The following SLC9C1 variants were observed in gnomAD, a reference collection of about 807,000 sequenced individuals.
The protein encoded by SLC9C1 is solute carrier family 9 member C1.
Under a neutral mutation model 140.9 loss-of-function variants are expected in SLC9C1, and 97 were observed. The observed-to-expected ratio is 0.69, with a 90% CI of 0.58 to 0.82. SLC9C1 has a LOEUF of 0.82. Among genes scored for constraint, SLC9C1 ranks in the 40% least tolerant of loss-of-function variants. The probability of loss-of-function intolerance (pLI) is 0.00; values close to 1 mark genes in which losing one functional copy is unlikely to be tolerated. For missense variants in SLC9C1, 1,340 were observed against 1,389.3 expected (o/e 0.96, Z 0.56); for synonymous variants, 440 against 442.6 (o/e 0.99, Z 0.07).
At chr3:112,166,655 A>G (rs1429327653) in intron 26 of SLC9C1, among the ~76,000 whole-genome samples, 2 of 152,212 alleles carry the variant, frequency 1.3e-5, no homozygotes, top group South Asian at 4.1e-4. Flanking sequence ...CCTTTAATGA[A>G]TTGATCAATT....
At position 112,247,960 on chromosome 3, in the gene SLC9C1, G is replaced by A. The variant is rs1021346412; in HGVS notation, c.1198-3884C>T. Among the ~76,000 whole-genome samples the A allele has an allele frequency of 2.6e-5, 4 of 151,736 alleles. No homozygotes were observed. In the South Asian group the frequency reaches 6.2e-4, roughly 24 times the overall value. On this transcript the variant is annotated intron_variant, in intron 10 of 28. Transcript: ENST00000305815. ...TAGTCATCTTAAATATGGACTAGAC[G>A]TATTGACTCACTTCTAATAAATAGA... is the stretch of plus-strand genomic sequence containing the variant.
At chr3:112,273,598 C>T (rs2080135696) in intron 6 of SLC9C1, among the ~76,000 whole-genome samples, 1 of 152,020 alleles carries the variant, frequency 6.6e-6, no homozygotes, top group African/African-American at 2.4e-5. Context: ...GATGATTCTT[C>T]TTGGGAAAGA....
In SLC9C1 at chr3:112,217,346, A is replaced by G. The variant is rs1560080746; in HGVS notation, c.1790+96T>C. The G allele has an allele frequency of 9.2e-6, 13 of 1,419,290 alleles. 1 individual carries two copies. In the Middle Eastern group the frequency reaches 1.4e-3, roughly 154 times the overall value. The allele number at this position is 1,419,290 out of a possible 1,614,324, so 87.9% of individuals were successfully genotyped here. On this transcript the variant is annotated intron_variant, in intron 15 of 28. Transcript: ENST00000305815. ...GCACATGTACCCTAGCACTTATAGTATAATAACAAAAAATTCAAGATACCA... is the reference window on the plus strand; with the variant it reads ...GCACATGTACCCTAGCACTTATAGTGTAATAACAAAAAATTCAAGATACCA...
At chr3:112,146,954 A>G (rs754101371) in intron 28 of SLC9C1, among the ~76,000 whole-genome samples, 11 of 152,186 alleles carry the variant, frequency 7.2e-5, no homozygotes, top group African/African-American at 2.4e-4. Flanking sequence ...ACCTAGAAGT[A>G]TGTGTTTTAT....
At chr3:112,212,386 T>C (rs967412446) in intron 15 of SLC9C1, among the ~76,000 whole-genome samples, 6 of 151,978 alleles carry the variant, frequency 3.9e-5, no homozygotes, top group African/African-American at 1.4e-4. Context: ...GAGAAGAAGG[T>C]TTCAGATGAT....
chr3:112,152,884 T>G (rs980842075), intron 27 of SLC9C1, among the ~76,000 whole-genome samples: 1 of 152,176 alleles, frequency 6.6e-6, no homozygotes, highest in Admixed American at 6.5e-5. Context: ...GGTTACAGAT[T>G]AGCAGCATCT....
intron 14 of SLC9C1, among the ~76,000 whole-genome samples, chr3:112,220,328 C>T (rs1461505434): frequency 6.6e-6 from 1 of 152,142 alleles, no homozygotes; most frequent in Non-Finnish European, 1.5e-5. Flanking sequence ...CTTCAGTGTA[C>T]CACAAGGTTG....
chr3:112,187,935 T>C (rs2077570661), intron 20 of SLC9C1, among the ~76,000 whole-genome samples: 1 of 151,996 alleles, frequency 6.6e-6, no homozygotes, highest in Non-Finnish European at 1.5e-5. Context: ...TCTTGGTGAA[T>C]TTTTTATATC....
At chr3:112,149,207 G>A (rs1238225946) in intron 28 of SLC9C1, among the ~76,000 whole-genome samples, 13 of 152,030 alleles carry the variant, frequency 8.6e-5, no homozygotes, top group Non-Finnish European at 1.9e-4. Flanking sequence ...TGAGTGCATA[G>A]TCTGAATGCC....
At chr3:112,292,804 A>G (rs1183912233) in intron 1 of SLC9C1, among the ~76,000 whole-genome samples, 5 of 151,588 alleles carry the variant, frequency 3.3e-5, no homozygotes, top group African/African-American at 1.2e-4. Context: ...CGGCCTCCCA[A>G]AGTGCTGGGA....
intron 5 of SLC9C1, 132 bp from the exon 6 acceptor site, chr3:112,275,157 A>G: frequency 1.1e-6 from 1 of 935,144 alleles, no homozygotes; most frequent in Non-Finnish European, 1.5e-6. Flanking sequence ...TTAAGTTTAG[A>G]CAATCATAAT....
intron 20 of SLC9C1, among the ~76,000 whole-genome samples, chr3:112,190,268 A>G (rs905132238): frequency 3.3e-5 from 5 of 152,118 alleles, no homozygotes; most frequent in African/African-American, 9.7e-5. Context: ...TTCTAACACT[A>G]TGTTGAATAG....
intron 11 of SLC9C1, among the ~76,000 whole-genome samples, chr3:112,241,067 A>G (rs979540010): frequency 3.3e-5 from 5 of 152,220 alleles, no homozygotes; most frequent in Non-Finnish European, 7.3e-5. Flanking sequence ...TGACAACACA[A>G]TAAGGTGACT....
Position 112,269,998 on chromosome 3 carries a change from T to C in SLC9C1, c.693A>G (p.Gln231=), listed in dbSNP as rs1410260549. ...LFGILSSKLI[Q]FWMSTVFGDD... ...CACCAAAAACAGTTGACATCCAAAA[T>C]TGAATCAGTTTTGAACTTAGAATTC... The change falls in exon 7 of 29, where the codon CAA becomes CAG. Residue 231 remains glutamine, a synonymous_variant. Transcript: ENST00000305815. 16 of 1,601,844 alleles carry C rather than the reference T, an allele frequency of 1.0e-5. No individual in the cohort carries two copies. The highest frequency in any genetic ancestry group is 2.3e-5 in the East Asian group (1 of 44,078).
chr3:112,147,440 G>A (rs2074832956), intron 28 of SLC9C1: 2 of 305,226 alleles, frequency 6.6e-6, no homozygotes, highest in Non-Finnish European at 1.3e-5. Context: ...TTCTTTCCTT[G>A]TTTAGAACTC....
intron 15 of SLC9C1, among the ~76,000 whole-genome samples, chr3:112,211,438 G>A (rs985815125): frequency 1.9e-4 from 29 of 152,196 alleles, no homozygotes; most frequent in African/African-American, 5.5e-4. Flanking sequence ...GCAAGGGGTC[G>A]GGGGATTCCC....
intron 20 of SLC9C1, among the ~76,000 whole-genome samples, chr3:112,197,910 T>C (rs2077807391): frequency 6.6e-6 from 1 of 152,176 alleles, no homozygotes; most frequent in African/African-American, 2.4e-5. Flanking sequence ...AACTACTGCC[T>C]GTCGGCCTGC....
chr3:112,264,600 T>C (rs1288840209), intron 8 of SLC9C1, among the ~76,000 whole-genome samples: 1 of 151,936 alleles, frequency 6.6e-6, no homozygotes, highest in East Asian at 1.9e-4. Context: ...CAATAAATTT[T>C]AGTCTCAGTA....
Position 112,180,901 on chromosome 3 carries a change from G to A in SLC9C1, c.2650-239C>T, listed in dbSNP as rs995898130. Among the ~76,000 whole-genome samples the A allele has an allele frequency of 1.5e-4, 23 of 151,988 alleles. 1 individual carries two copies. Among genetic ancestry groups the A allele is most frequent in the African/African-American group, 4.1e-4 (17 of 41,378 alleles). ...CTCCTGAGTAGCTGGGATTACAGGT[G>A]CCCACGACCATGCCCAGCTAATTTT... On this transcript the variant is annotated intron_variant, in intron 21 of 28. Transcript: ENST00000305815.
Sources: allele counts gnomAD v4.1 joint callset (sites outside exome capture counted in the v4.1 genomes callset), GRCh38; gene constraint gnomAD v4.1.1; transcripts MANE v1.5; gene names NCBI Gene and HGNC (gene_info 2026-07-23, HGNC 2026-07-21).